Variants in NLRC5 observed in about 807,000 individuals in gnomAD.
NLRC5 encodes NLR family CARD domain containing 5, also known as protein NLRC5.
In NLRC5, 114 loss-of-function variants were observed where a neutral mutation model predicts 206.9. That is an observed-to-expected ratio of 0.55 (90% CI 0.47 to 0.64). The LOEUF (loss-of-function observed/expected upper bound fraction) is 0.64, where lower values mean the gene tolerates loss of function less well. Ranked by LOEUF, NLRC5 falls within the 30% of genes least tolerant of loss-of-function variation. The probability of loss-of-function intolerance (pLI) is 0.00; values close to 1 mark genes in which losing one functional copy is unlikely to be tolerated. For missense variants in NLRC5, 2,008 were observed against 2,305.5 expected, an observed-to-expected ratio of 0.87 and a Z score of 2.64; for synonymous variants, 952 against 962.8, an observed-to-expected ratio of 0.99 and a Z score of 0.21.
At chr16:57,008,601 C>G (rs2059166638) in intron 1 of NLRC5, among the ~76,000 whole-genome samples, 1 of 152,142 alleles carries the variant, frequency 6.6e-6, no homozygotes, top group Non-Finnish European at 1.5e-5. Context: ...GTGTAATGCA[C>G]AAAAACTAAT....
At chr16:57,002,359 G>A (rs2058355976) in intron 1 of NLRC5, among the ~76,000 whole-genome samples, 1 of 152,042 alleles carries the variant, frequency 6.6e-6, no homozygotes, top group Admixed American at 6.6e-5. Flanking sequence ...TGTTAGCCAG[G>A]TTGGTCTCCA....
chr16:57,043,831 A>G (rs1390070396), intron 20 of NLRC5: 6 of 580,612 alleles, frequency 1.0e-5, no homozygotes, highest in African/African-American at 7.5e-5. Context: ...CAAATTCACC[A>G]TTAGAGAGTT....
At chr16:57,082,331 T>G in intron 48 of NLRC5, 86 bp from the exon 49 acceptor site, 2 of 1,071,122 alleles carry the variant, frequency 1.9e-6, no homozygotes, top group East Asian at 2.5e-5. Context: ...CAGCTCTACC[T>G]TTTTGGGCCT....
intron 32 of NLRC5, among the ~76,000 whole-genome samples, chr16:57,064,104 C>A (rs1221082104): frequency 6.6e-6 from 1 of 151,928 alleles, no homozygotes; most frequent in African/African-American, 2.4e-5. Flanking sequence ...AAGTGGCACA[C>A]GCCTGTAATC....
chr16:57,063,952 A>T (rs2066822026), intron 32 of NLRC5, among the ~76,000 whole-genome samples: 1 of 150,558 alleles, frequency 6.6e-6, no homozygotes, highest in South Asian at 2.1e-4. Flanking sequence ...GTTAGCCAGG[A>T]TGGTCTCGAT....
chr16:57,056,126 C>T (rs1388749840), intron 27 of NLRC5, among the ~76,000 whole-genome samples: 6 of 152,166 alleles, frequency 3.9e-5, no homozygotes, highest in Non-Finnish European at 7.3e-5. Flanking sequence ...TAAGAACTTG[C>T]CCAAGGTCAC....
At chr16:57,040,825 C>T (rs2063186737) in intron 17 of NLRC5, 107 bp downstream of exon 17, 2 of 1,056,924 alleles carry the variant, frequency 1.9e-6, no homozygotes, top group Admixed American at 3.9e-5. Flanking sequence ...CCCTGAAGGA[C>T]ACCTGACCTG....
chr16:57,003,358 G>A lies in NLRC5; in HGVS notation c.-127-13716G>A, dbSNP rs535196434. On this transcript the variant is annotated intron_variant, in intron 1 of 48. Transcript: ENST00000688547. The stretch of plus-strand genomic sequence containing the variant: ...AGCCACCATGCCCAGCCTGGATTGA[G>A]TTTGTATCATGTGCCAGGTTCCATG... Among the ~76,000 whole-genome samples, 219 of 152,204 alleles carry A rather than the reference G, an allele frequency of 1.4e-3. 1 individual carries two copies. Among genetic ancestry groups the A allele is most frequent in the African/African-American group, 5.1e-3 (211 of 41,512 alleles).
rs144836882 is a variant in NLRC5 at position 57,011,604 on chromosome 16, C to T, written c.-127-5470C>T. Reference sequence around the variant, plus strand: ...TGGCATGGTGGAGTGTGCCTGTTGTCTCACCTACTCAGGAGGGTGAGGCAG... The same window carrying T: ...TGGCATGGTGGAGTGTGCCTGTTGTTTCACCTACTCAGGAGGGTGAGGCAG... On this transcript the variant is annotated intron_variant, in intron 1 of 48. Transcript: ENST00000688547. Among the ~76,000 whole-genome samples the T allele has an allele frequency of 4.0e-3, 608 of 151,844 alleles. 2 individuals carry two copies. Among genetic ancestry groups the T allele is most frequent in the African/African-American group, 0.014 (591 of 41,392 alleles).
intron 1 of NLRC5, among the ~76,000 whole-genome samples, chr16:57,002,822 T>G (rs1246277994): frequency 6.6e-6 from 1 of 151,994 alleles, no homozygotes; most frequent in African/African-American, 2.4e-5. Context: ...TTTTTGTATT[T>G]TTAGTAGAGA....
chr16:57,004,369 C>T (rs796760265), intron 1 of NLRC5: 10 of 152,430 alleles, frequency 6.6e-5, no homozygotes, highest in African/African-American at 2.4e-4. Context: ...CTCAAACGAT[C>T]TTCCTGCCTC....
chr16:57,078,207 T>C (rs1374944126), intron 43 of NLRC5, among the ~76,000 whole-genome samples, 187 bp downstream of exon 43: 1 of 152,200 alleles, frequency 6.6e-6, no homozygotes, highest in Admixed American at 6.5e-5. Context: ...AGGCCCAGCC[T>C]AGTCCTGGCT....
Position 57,028,424 on chromosome 16 carries a change from G to A in NLRC5, c.2243+39G>A, listed in dbSNP as rs1415469922. On this transcript the variant is annotated intron_variant, in intron 8 of 48. Transcript: ENST00000688547. ...AGGAGGGCTCACTGACTGGGGAGAT[G>A]AGCCACTGCCCAGGTCCCAGAGTCC... 2.0e-6 allele frequency: 3 copies of A among 1,524,918 alleles called. No homozygotes were observed. In the African/African-American group the frequency reaches 4.1e-5, roughly 21 times the overall value. The allele number at this position is 1,524,918 out of a possible 1,614,324, so 94.5% of individuals were successfully genotyped here.
Position 57,047,675 on chromosome 16 carries a change from C to T in NLRC5, c.3422+47C>T, listed in dbSNP as rs1474579237. On this transcript the variant is annotated intron_variant, in intron 23 of 48. Coordinates refer to ENST00000688547, the MANE Select transcript of NLRC5 (RefSeq NM_001384950.1). ...CCAGAGGGCACCATGTGGGGATCTG[C>T]CCAGTGACCTGGGAGGGGGCTTCTT... 12 of 1,509,042 alleles carry T rather than the reference C, an allele frequency of 8.0e-6. 1 individual carries two copies. The Admixed American group carries it at 1.2e-4, about 16-fold the overall frequency. The allele number at this position is 1,509,042 out of a possible 1,614,324, so 93.5% of individuals were successfully genotyped here. A position where few individuals can be genotyped will look rare whatever the true frequency, so the allele number is the denominator to read the frequency against.
chr16:57,077,638 G>T, intron 41 of NLRC5, 81 bp from the exon 42 acceptor site: 1 of 1,390,362 alleles, frequency 7.2e-7, no homozygotes, highest in South Asian at 1.4e-5. Flanking sequence ...CCCTGAAGCA[G>T]GGGTGGCAGA....
intron 29 of NLRC5, 39 bp from the exon 30 acceptor site, chr16:57,059,428 G>A: frequency 6.3e-7 from 1 of 1,578,508 alleles, no homozygotes; most frequent in Non-Finnish European, 8.6e-7. Flanking sequence ...AAGCTGGCAT[G>A]TCTGGGCACC....
In NLRC5 at chr16:57,005,095, C is replaced by T. The variant is rs77055290; in HGVS notation, c.-127-11979C>T. On this transcript the variant is annotated intron_variant, in intron 1 of 48. Coordinates refer to ENST00000688547, the MANE Select transcript of NLRC5 (RefSeq NM_001384950.1). ...GTGCACTGGGGATTCTTAGAGGTAA[C>T]ACTTCGAACGGAAAGCCAGAGGTCC... Among the ~76,000 whole-genome samples the T allele has an allele frequency of 6.1e-3, 927 of 152,288 alleles. 8 individuals carry two copies. Among genetic ancestry groups the T allele is most frequent in the African/African-American group, 0.021 (862 of 41,544 alleles).
chr16:57,065,567 C>T (rs560892605), intron 33 of NLRC5, among the ~76,000 whole-genome samples: 4 of 152,268 alleles, frequency 2.6e-5, no homozygotes, highest in South Asian at 4.1e-4. Flanking sequence ...TGGGAGTCCA[C>T]GCTGGTTGCT....
At chr16:57,027,346 C>T (rs376691817) in intron 6 of NLRC5, among the ~76,000 whole-genome samples, 12 of 152,212 alleles carry the variant, frequency 7.9e-5, no homozygotes, top group East Asian at 3.8e-4. Context: ...AGAGTTTCTT[C>T]GTTCCTAAAA....
Sources: allele counts gnomAD v4.1 joint callset (sites outside exome capture counted in the v4.1 genomes callset), GRCh38; gene constraint gnomAD v4.1.1; transcripts MANE v1.5; gene names NCBI Gene and HGNC (gene_info 2026-07-23, HGNC 2026-07-21).